The following QRICH1 variants were observed in gnomAD, a reference collection of about 807,000 sequenced individuals.
QRICH1 encodes transcriptional regulator QRICH1.
A neutral mutation model predicts 87.1 loss-of-function variants in QRICH1; 16 were observed. The observed-to-expected ratio is 0.18, with a 90% CI of 0.12 to 0.28. The LOEUF (loss-of-function observed/expected upper bound fraction) is 0.28. Ranked by LOEUF, QRICH1 falls within the 10% of genes least tolerant of loss-of-function variation. QRICH1 has a pLI of 1.00. For synonymous variants in QRICH1, 367 were observed against 368.4 expected (o/e 1.00, Z 0.05); for missense variants, 647 against 951.7 (o/e 0.68, Z 4.21).
chr3:49,089,845 C>T lies in QRICH1; in HGVS notation c.-22+4067G>A, dbSNP rs530382546. ...TATCACAGAATAACAGCTGTCTGTA[C>T]GGCTTGAGAAGCTGTGATCAGGAAG... On this transcript the variant is annotated intron_variant, in intron 1 of 9. Coordinates refer to ENST00000395443, the MANE Select transcript of QRICH1 (RefSeq NM_198880.3). Among the ~76,000 whole-genome samples the T allele has an allele frequency of 7.2e-5, 11 of 152,268 alleles. No homozygotes were observed. In the East Asian group the frequency reaches 1.3e-3, roughly 19 times the overall value.
At position 49,057,827 on chromosome 3, in the gene QRICH1, C is replaced by T. The variant is rs568195483; in HGVS notation, c.373G>A (p.Val125Ile). The change falls in exon 3 of 10, where the codon GTT becomes ATT. Residue 125 changes from valine to isoleucine, a missense_variant. Transcript: ENST00000395443. This position sits in a 1 kb window ranked among gnomAD's most constrained non-coding sequence, Gnocchi z 5.4. ...VSAQLSPQLT[V>I]HQPTEQPIQV... ...ATGGGTTGCTCAGTAGGCTGGTGAA[C>T]GGTGAGTTGTGGGGAGAGCTGAGCC... The T allele has an allele frequency of 3.7e-6, 6 of 1,613,942 alleles. No homozygotes were observed. Among genetic ancestry groups the T allele is most frequent in the South Asian group, 1.1e-5 (1 of 91,072 alleles).
intron 6 of QRICH1, among the ~76,000 whole-genome samples, chr3:49,037,218 A>G (rs1402002244): frequency 2.0e-5 from 3 of 152,180 alleles, no homozygotes; most frequent in African/African-American, 7.2e-5. Context: ...AGAAAGGCCA[A>G]CTATGAAGTA....
intron 4 of QRICH1, 67 bp from the exon 5 acceptor site, chr3:49,046,646 T>TA: frequency 6.5e-7 from 1 of 1,537,100 alleles, no homozygotes; most frequent in Non-Finnish European, 8.8e-7. Context: ...TCAGAACAGA[T>TA]ACTGCCCATC....
At position 49,032,705 on chromosome 3, in the gene QRICH1, T is replaced by C; in HGVS notation, c.1964A>G (p.Lys655Arg). The C allele has an allele frequency of 6.2e-7, 1 of 1,613,070 alleles. No homozygotes were observed. The highest frequency in any genetic ancestry group is 8.5e-7 in the Non-Finnish European group (1 of 1,179,634). ...ATCCTTGGGATTAGAGGGGTTCTTCTTTGTCTGTCGCAAGACCTTGGAGAA... is the reference window on the plus strand; with the variant it reads ...ATCCTTGGGATTAGAGGGGTTCTTCCTTGTCTGTCGCAAGACCTTGGAGAA... ...LAFSKVLRQT[K>R]KNPSNPKDKS... is the part of the protein sequence containing the mutation. The change falls in exon 8 of 10, where the codon AAG (lysine) becomes AGG (arginine). Residue 655 changes from lysine to arginine, a missense_variant. Physicochemically the swap from Lys to Arg is conservative, Grantham distance 26. This residue lies in a region of QRICH1 where 187 missense variants were observed against 309.5 expected (regional missense o/e 0.60). Transcript: ENST00000395443.
At chr3:49,072,439 T>C (rs898318762) in intron 2 of QRICH1, among the ~76,000 whole-genome samples, 3 of 151,628 alleles carry the variant, frequency 2.0e-5, no homozygotes, top group South Asian at 2.1e-4. Context: ...GGTGGGAGGA[T>C]TGCTTGAGCC....
intron 2 of QRICH1, among the ~76,000 whole-genome samples, chr3:49,074,981 A>G (rs2041922132): frequency 6.6e-6 from 1 of 152,048 alleles, no homozygotes; most frequent in Non-Finnish European, 1.5e-5. Context: ...TCCATCTTAA[A>G]TAAAAAAGAC....
rs182662170 is a variant in QRICH1, at chr3:49,076,697, T to C, written c.309+12A>G. 3.5e-5 allele frequency: 54 copies of C among 1,528,262 alleles called. No homozygotes were observed. The highest frequency in any genetic ancestry group is 1.6e-4 in the Admixed American group (8 of 49,868). The allele number at this position is 1,528,262 out of a possible 1,614,324, so 94.7% of individuals were successfully genotyped here. On this transcript the variant is annotated intron_variant, in intron 2 of 9. Coordinates refer to ENST00000395443, the MANE Select transcript of QRICH1 (RefSeq NM_198880.3). ...ACATTAAACAGGCTGCACCTCAGCA[T>C]TTCCCATATACCTGAACCTGCTGCG...
chr3:49,062,675 G>T (rs1319421972), intron 2 of QRICH1, among the ~76,000 whole-genome samples: 5 of 150,218 alleles, frequency 3.3e-5, no homozygotes, highest in Non-Finnish European at 5.9e-5. Context: ...CATTTCAAAT[G>T]GGTAACTTAT....
At chr3:49,054,331 A>C (rs2093388569) in intron 3 of QRICH1, among the ~76,000 whole-genome samples, 1 of 152,116 alleles carries the variant, frequency 6.6e-6, no homozygotes, top group Admixed American at 6.6e-5. Flanking sequence ...ACCTGTTACA[A>C]ATCTACTGGC....
chr3:49,050,549 CA>C (rs2093364699), intron 3 of QRICH1, among the ~76,000 whole-genome samples: 1 of 151,598 alleles, frequency 6.6e-6, no homozygotes, highest in Non-Finnish European at 1.5e-5. Flanking sequence ...AAAACATGTG[CA>C]AAGTTTTGCA....
At chr3:49,040,793 A>G (rs2093305466) in intron 6 of QRICH1, among the ~76,000 whole-genome samples, 1 of 152,246 alleles carries the variant, frequency 6.6e-6, no homozygotes, top group Admixed American at 6.5e-5. Flanking sequence ...AGAAACTGCC[A>G]AATTGTCTTC....
intron 3 of QRICH1, chr3:49,056,635 C>A (rs2093403994): frequency 6.3e-6 from 5 of 799,522 alleles, no homozygotes; most frequent in Non-Finnish European, 9.9e-6. Flanking sequence ...CTCCAAAACT[C>A]CAAAGCAATT....
In QRICH1 at chr3:49,046,470, G is replaced by T; in HGVS notation, c.1626C>A (p.Pro542=). 1 of 1,614,106 alleles carries T rather than the reference G, an allele frequency of 6.2e-7. No homozygotes were observed. Among genetic ancestry groups the T allele is most frequent in the Non-Finnish European group, 8.5e-7 (1 of 1,180,002 alleles). ...TATAGTAGAGCACATCTGGGTCATA[G>T]GGTTCACCTTCTCCATTTCGAGCTT... ...TREARNGEGE[P]YDPDVLYYIF... Residue 542 remains proline (P), a synonymous_variant, in exon 5 of 10, where the codon CCC becomes CCA. Transcript: ENST00000395443.
At position 49,050,248 on chromosome 3, in the gene QRICH1, C is replaced by CAAAAAAAAAAAAA. The variant is rs527597101; in HGVS notation, c.1339-3015_1339-3003dup. 1.7e-3 allele frequency among the ~76,000 whole-genome samples: 89 copies of CAAAAAAAAAAAAA among 52,412 alleles called. 4 individuals carry two copies. The highest frequency in any genetic ancestry group is 6.6e-3 in the African/African-American group (67 of 10,174). The allele number at this position is 52,412 out of a possible 152,430, so 34.4% of individuals were successfully genotyped here. ...TGGGCTAAAGAGCGGGACTCCGTCTCAAAAAAAAAAAAAAAAAAAAAAAAA... is the reference window on the plus strand; with the variant it reads ...TGGGCTAAAGAGCGGGACTCCGTCTCAAAAAAAAAAAAAAAAAAAAAAAAAAAAAAAAAAAAAA... On this transcript the variant is annotated intron_variant, in intron 3 of 9. Coordinates refer to ENST00000395443, the MANE Select transcript of QRICH1 (RefSeq NM_198880.3).
intron 3 of QRICH1, among the ~76,000 whole-genome samples, chr3:49,050,472 C>T (rs1433213513): frequency 6.8e-6 from 1 of 147,282 alleles, no homozygotes; most frequent in Non-Finnish European, 1.5e-5. Context: ...CTCAAAGGTG[C>T]TATAAAATGG....
rs1268069219 is a variant in QRICH1, at chr3:49,057,458, G to A, written c.742C>T (p.Arg248Cys). The A allele has an allele frequency of 1.2e-6, 2 of 1,613,478 alleles. No homozygotes were observed. The highest frequency in any genetic ancestry group is 1.7e-6 in the Non-Finnish European group (2 of 1,179,778). ...TASVLQPVKK[R>C]KVDMPITVSY... ...ACAGTGATGGGCATGTCCACTTTGC[G>A]CTTCTTCACTGGTTGGAGGACACTG... The change falls in exon 3 of 10, where the codon CGC becomes TGC. Residue 248 changes from arginine (R) to cysteine (C), a missense_variant. Arg to Cys is a radical substitution (Grantham distance 180). Coordinates refer to ENST00000395443, the MANE Select transcript of QRICH1 (RefSeq NM_198880.3). This position sits in a 1 kb window ranked among gnomAD's most constrained non-coding sequence, Gnocchi z 5.4.
At chr3:49,090,628 C>CAAAAA (rs35351750) in intron 1 of QRICH1, among the ~76,000 whole-genome samples, 1 of 119,506 alleles carries the variant, frequency 8.4e-6, no homozygotes, top group Non-Finnish European at 1.7e-5. Context: ...AACTCCATCT[C>CAAAAA]AAAAAAAAAA....
intron 6 of QRICH1, 139 bp downstream of exon 6, chr3:49,044,251 T>G (rs1042416042): frequency 1.0e-5 from 7 of 691,254 alleles, no homozygotes; most frequent in Non-Finnish European, 5.0e-6. Flanking sequence ...TCAGGGCAAG[T>G]AGCACAGTGG....
chr3:49,090,628 C>CA (rs35351750), intron 1 of QRICH1, among the ~76,000 whole-genome samples: 52,271 of 119,260 alleles, frequency 0.44, 12,005 homozygotes, highest in East Asian at 0.78. Flanking sequence ...AACTCCATCT[C>CA]AAAAAAAAAA....
Sources: allele counts gnomAD v4.1 joint callset (sites outside exome capture counted in the v4.1 genomes callset), GRCh38; gene constraint gnomAD v4.1.1; regional missense constraint gnomAD v4.1.1; non-coding constraint Gnocchi (gnomAD v3.1); transcripts MANE v1.5; gene names NCBI Gene and HGNC (gene_info 2026-07-23, HGNC 2026-07-21).